STARD5: variants seen among roughly 807,000 people sequenced by gnomAD.
STARD5 encodes the protein stAR-related lipid transfer protein 5.
Under a neutral mutation model 24.6 loss-of-function variants are expected in STARD5, and 26 were observed. The observed-to-expected ratio is 1.06, with a 90% CI of 0.77 to 1.47. STARD5 has a LOEUF of 1.47. STARD5 is among the 40% of genes most tolerant of loss of function. The pLI is 0.00. For missense variants in STARD5, 254 were observed against 270.8 expected, an observed-to-expected ratio of 0.94 and a Z score of 0.44; for synonymous variants, 101 against 99.7, an observed-to-expected ratio of 1.01 and a Z score of -0.07.
chr15:81,314,085 A>AT (rs552227752), intron 5 of STARD5: 32 of 152,340 alleles, frequency 2.1e-4, no homozygotes, highest in African/African-American at 7.2e-4. Context: ...ATGTTAAAAT[A>AT]TTTTTAACAT....
chr15:81,318,911 C>T (rs146735632), intron 4 of STARD5, among the ~76,000 whole-genome samples: 70 of 152,284 alleles, frequency 4.6e-4, no homozygotes, highest in South Asian at 8.3e-4. Flanking sequence ...CCAACTCTCC[C>T]GCGTAGAAGA....
At position 81,322,690 on chromosome 15, in the gene STARD5, G is replaced by A. The variant is rs182505782; in HGVS notation, c.150-150C>T. On this transcript the variant is annotated intron_variant, in intron 2 of 5. Transcript: ENST00000302824. ...GAAGGGGCTGAAAGTCACTAGCCCC[G>A]CCTCCCTTCAGGCCTGCAGAAATGG... The A allele has an allele frequency of 1.4e-4, 183 of 1,348,764 alleles. 1 individual carries two copies. Among genetic ancestry groups the A allele is most frequent in the Admixed American group, 5.7e-4 (28 of 48,790 alleles). 83.5% of individuals were successfully genotyped at this position (1,348,764 alleles called of 1,614,324 possible). A position where few individuals can be genotyped will look rare whatever the true frequency, so the allele number is the denominator to read the frequency against.
At chr15:81,316,631 T>C (rs1024349832) in intron 5 of STARD5, among the ~76,000 whole-genome samples, 7 of 152,260 alleles carry the variant, frequency 4.6e-5, no homozygotes, top group African/African-American at 1.7e-4. Context: ...GCTGTATAAA[T>C]GTTTGCTGCT....
At chr15:81,320,088 G>A (rs991362477) in intron 3 of STARD5, among the ~76,000 whole-genome samples, 1 of 152,146 alleles carries the variant, frequency 6.6e-6, no homozygotes, top group Admixed American at 6.5e-5. Flanking sequence ...CAAGGATGCT[G>A]GGCTTTCTCC....
rs1308424833 is a variant in STARD5 at position 81,322,526 on chromosome 15, C to G, written c.164G>C (p.Gly55Ala). ...CTCCTCTAGTGTCCCATATACAATG[C>G]CTTCTCCTCGGTACCTGGAGCACGA... Reference protein sequence around the residue: ...EFPGNLYRGEGIVYGTLEEVW... With the variant: ...EFPGNLYRGEAIVYGTLEEVW... Residue 55 changes from glycine to alanine, a missense_variant, in exon 3 of 6, where the codon GGC (glycine) becomes GCC (alanine). Physicochemically the swap from Gly to Ala is moderately conservative, Grantham distance 60. Transcript: ENST00000302824. The G allele has an allele frequency of 6.2e-7, 1 of 1,614,038 alleles. No homozygotes were observed. Among genetic ancestry groups the G allele is most frequent in the African/African-American group, 1.3e-5 (1 of 74,908 alleles).
chr15:81,318,552 T>C (rs1180301234), intron 4 of STARD5, 50 bp from the exon 5 acceptor site: 15 of 1,540,888 alleles, frequency 9.7e-6, no homozygotes, highest in African/African-American at 1.4e-5. Context: ...GACGGTCAGG[T>C]CACTGCCATT....
intron 5 of STARD5, among the ~76,000 whole-genome samples, chr15:81,316,144 G>A (rs757738431): frequency 2.6e-5 from 4 of 152,016 alleles, no homozygotes; most frequent in Non-Finnish European, 5.9e-5. Flanking sequence ...CAGAATGCTC[G>A]CTCCACCAAC....
Position 81,312,636 on chromosome 15 carries a change from A to T in STARD5, c.*620T>A, listed in dbSNP as rs1320181683. 2.0e-5 allele frequency: 3 copies of T among 152,240 alleles called. No individual in the cohort carries two copies. The highest frequency in any genetic ancestry group is 7.2e-5 in the African/African-American group (3 of 41,466). The allele number at this position is 152,240 out of a possible 1,614,324, so 9.4% of individuals were successfully genotyped here. A position where few individuals can be genotyped will look rare whatever the true frequency, so the allele number is the denominator to read the frequency against. ...CTTGCGGGGATAAAGAGAGAAAAACAAATTCATCAAATGGAAGACACATTG... is the reference window on the plus strand; with the variant it reads ...CTTGCGGGGATAAAGAGAGAAAAACTAATTCATCAAATGGAAGACACATTG... On this transcript the variant is annotated 3_prime_UTR_variant, in exon 6 of 6. Coordinates refer to ENST00000302824, the MANE Select transcript of STARD5 (RefSeq NM_181900.3).
At chr15:81,314,128 A>G (rs997296921) in intron 5 of STARD5, 11 of 152,232 alleles carry the variant, frequency 7.2e-5, no homozygotes, top group Admixed American at 2.0e-4. Flanking sequence ...TTTCAAATAC[A>G]TCAAATAATG....
At chr15:81,323,253 G>A in intron 1 of STARD5, 1 of 427,748 alleles carries the variant, frequency 2.3e-6, no homozygotes. Context: ...TGAAAAGTCA[G>A]AAGGGTCAAG....
chr15:81,323,914 G>A (rs962345574), intron 1 of STARD5, 87 bp downstream of exon 1: 15 of 1,361,556 alleles, frequency 1.1e-5, no homozygotes, highest in East Asian at 2.5e-5. Context: ...AGAAAACAAC[G>A]GGGAGAGGAG....
chr15:81,323,570 A>G, intron 1 of STARD5: 1 of 1,315,612 alleles, frequency 7.6e-7, no homozygotes, highest in South Asian at 1.2e-5. Flanking sequence ...ACAGAAGAAA[A>G]CCTTAGTATG....
At chr15:81,318,767 C>G (rs1901135216) in intron 4 of STARD5, among the ~76,000 whole-genome samples, 1 of 152,246 alleles carries the variant, frequency 6.6e-6, no homozygotes, top group Admixed American at 6.5e-5. Flanking sequence ...TCCACATTCA[C>G]ACATAAACAT....
chr15:81,319,500 ATCT>A (rs779946844), intron 3 of STARD5, 44 bp from the exon 4 acceptor site: 20 of 1,550,272 alleles, frequency 1.3e-5, no homozygotes, highest in Non-Finnish European at 1.7e-5. Flanking sequence ...CTGGCCAGAC[ATCT>A]TCTCCCAACT....
In STARD5 at chr15:81,313,329, T is replaced by G. The variant is rs867826017; in HGVS notation, c.569A>C (p.Asp190Ala). ...LSGYLPQNVV[D>A]SFFPRSMTRF... ...GGTCATGCTGCGGGGGAAGAAGGAGTCCACCACGTTCTGTGGGAGGTAACC... is the reference window on the plus strand; with the variant it reads ...GGTCATGCTGCGGGGGAAGAAGGAGGCCACCACGTTCTGTGGGAGGTAACC... Residue 190 changes from aspartate to alanine, a missense_variant, in exon 6 of 6, where the codon GAC (aspartate) becomes GCC (alanine). Asp to Ala is a moderately radical substitution (Grantham distance 126). Transcript: ENST00000302824. 1.3e-6 allele frequency: 2 copies of G among 1,577,714 alleles called. No individual in the cohort carries two copies. The highest frequency in any genetic ancestry group is 3.3e-4 in the Middle Eastern group (2 of 5,996).
intron 4 of STARD5, 118 bp downstream of exon 4, chr15:81,319,221 C>CAG: frequency 1.1e-6 from 1 of 921,114 alleles, no homozygotes; most frequent in Non-Finnish European, 1.7e-6. Flanking sequence ...GTAGGGGACT[C>CAG]AGAGTGTGAG....
In STARD5 at chr15:81,318,710, ACT is replaced by A. The variant is rs1388709401; in HGVS notation, c.401-210_401-209del. On this transcript the variant is annotated intron_variant, in intron 4 of 5. Coordinates refer to ENST00000302824, the MANE Select transcript of STARD5 (RefSeq NM_181900.3). ...TACACTCTCACATGCGTGTACACAA[ACT>A]CACACACAGACACACACACACTTGC... Among the ~76,000 whole-genome samples, 9 of 152,168 alleles carry A rather than the reference ACT, an allele frequency of 5.9e-5. No homozygotes were observed. In the South Asian group the frequency reaches 6.2e-4, roughly 11 times the overall value.
chr15:81,318,602 C>G, intron 4 of STARD5, 100 bp from the exon 5 acceptor site: 4 of 1,077,616 alleles, frequency 3.7e-6, no homozygotes, highest in Non-Finnish European at 5.5e-6. Context: ...ACCTGCAGCC[C>G]TGGAGTCTGT....
At chr15:81,323,124 C>A in intron 1 of STARD5, 176 bp from the exon 2 acceptor site, 1 of 633,126 alleles carries the variant, frequency 1.6e-6, no homozygotes, top group Non-Finnish European at 2.8e-6. Context: ...GTCCCCACAG[C>A]AGAATGTGAT....
Sources: allele counts gnomAD v4.1 joint callset (sites outside exome capture counted in the v4.1 genomes callset), GRCh38; gene constraint gnomAD v4.1.1; transcripts MANE v1.5; gene names NCBI Gene and HGNC (gene_info 2026-07-23, HGNC 2026-07-21).